Variants in FRAS1 observed in about 807,000 individuals in gnomAD.
The protein encoded by FRAS1 is extracellular matrix organizing protein FRAS1.
FRAS1 carries 290 observed loss-of-function variants against 435.2 expected under a neutral mutation model. That is an observed-to-expected ratio of 0.67 (90% CI 0.61 to 0.73). FRAS1 has a LOEUF of 0.73. Ranked by LOEUF, FRAS1 falls within the 30% of genes least tolerant of loss-of-function variation. FRAS1 has a pLI of 0.00. For missense variants in FRAS1, 4,860 were observed against 5,001.5 expected (o/e 0.97, Z 0.85); for synonymous variants, 1,800 against 1,851.0 (o/e 0.97, Z 0.71).
At chr4:78,163,966 T>C (rs1287716247) in intron 2 of FRAS1, among the ~76,000 whole-genome samples, 1 of 152,168 alleles carries the variant, frequency 6.6e-6, no homozygotes, top group Non-Finnish European at 1.5e-5. Context: ...CAACCTCCCA[T>C]GCCCACTGCC....
chr4:78,265,674 A>C (rs902889150), intron 7 of FRAS1, among the ~76,000 whole-genome samples: 3 of 152,210 alleles, frequency 2.0e-5, no homozygotes, highest in Non-Finnish European at 4.4e-5. Flanking sequence ...GAATGAATGG[A>C]TGAATGAATG....
At chr4:78,211,871 C>T (rs958239044) in intron 2 of FRAS1, among the ~76,000 whole-genome samples, 3 of 152,140 alleles carry the variant, frequency 2.0e-5, no homozygotes, top group Non-Finnish European at 2.9e-5. Context: ...CCTCCCTCTG[C>T]CTCTGGTAAC....
intron 6 of FRAS1, among the ~76,000 whole-genome samples, chr4:78,260,336 C>T (rs1219753548): frequency 1.3e-5 from 2 of 152,040 alleles, no homozygotes; most frequent in East Asian, 1.9e-4. Context: ...TACCCATGAG[C>T]ATGGAATGTT....
At chr4:78,535,597 T>C (rs958823498) in intron 71 of FRAS1, among the ~76,000 whole-genome samples, 19 of 152,292 alleles carry the variant, frequency 1.2e-4, no homozygotes, top group African/African-American at 4.6e-4. Context: ...CTACGTCCCA[T>C]CTATCATTAA....
intron 34 of FRAS1, among the ~76,000 whole-genome samples, chr4:78,423,400 C>T (rs186222325): frequency 0.024 from 3,718 of 151,994 alleles, 70 homozygotes; most frequent in South Asian, 0.035. Flanking sequence ...CTCCTGACCT[C>T]GTGATCCACC....
intron 15 of FRAS1, 29 bp from the exon 16 acceptor site, chr4:78,315,565 T>A (rs1205779443): frequency 6.3e-7 from 1 of 1,593,684 alleles, no homozygotes; most frequent in Non-Finnish European, 8.6e-7. Context: ...CTATTGCCTT[T>A]CTCTGATGGG....
intron 2 of FRAS1, among the ~76,000 whole-genome samples, chr4:78,089,944 T>C (rs976507860): frequency 2.0e-5 from 3 of 152,170 alleles, no homozygotes; most frequent in African/African-American, 4.8e-5. Flanking sequence ...CAGTGTCTGT[T>C]GTTCCCTTCT....
Position 78,394,554 on chromosome 4 carries a change from C to T in FRAS1, c.3976-6180C>T, listed in dbSNP as rs566238746. On this transcript the variant is annotated intron_variant, in intron 29 of 73. Transcript: ENST00000512123. ...TTATTTCTGGGCTCCTTATTCTGTTCCACTGGTCTATGTATTTGTTCTTAT... is the reference window on the plus strand; with the variant it reads ...TTATTTCTGGGCTCCTTATTCTGTTTCACTGGTCTATGTATTTGTTCTTAT... Among the ~76,000 whole-genome samples the T allele has an allele frequency of 7.9e-5, 7 of 88,066 alleles. No individual in the cohort carries two copies. In the East Asian group the frequency reaches 2.1e-3, roughly 27 times the overall value. The allele number at this position is 88,066 out of a possible 152,430, so 57.8% of individuals were successfully genotyped here.
At chr4:78,454,418 T>C (rs1456685585) in intron 47 of FRAS1, among the ~76,000 whole-genome samples, 1 of 152,030 alleles carries the variant, frequency 6.6e-6, no homozygotes, top group Non-Finnish European at 1.5e-5. Flanking sequence ...ATGTAGTACG[T>C]GTATGGCAGG....
chr4:78,523,655 A>G (rs1721454526), intron 69 of FRAS1, among the ~76,000 whole-genome samples: 1 of 152,230 alleles, frequency 6.6e-6, no homozygotes, highest in African/African-American at 2.4e-5. Context: ...TTTTTTCTTA[A>G]CTTAAAATTT....
intron 2 of FRAS1, among the ~76,000 whole-genome samples, chr4:78,126,799 A>G (rs1284063092): frequency 6.6e-6 from 1 of 152,232 alleles, no homozygotes; most frequent in Non-Finnish European, 1.5e-5. Flanking sequence ...TGTTATTGAT[A>G]TAGAGTACCA....
chr4:78,220,061 A>G (rs1723986132), intron 2 of FRAS1, among the ~76,000 whole-genome samples: 3 of 152,196 alleles, frequency 2.0e-5, no homozygotes, highest in Admixed American at 2.0e-4. Flanking sequence ...TGTGGATTGG[A>G]GTAGATGATT....
rs13151349 is a variant in FRAS1 at position 78,371,095 on chromosome 4, T to G, written c.2869+1111T>G. ...GAATTTTTTTTCTGTTTTTTTGTTT[T>G]TTTTTTTTTTTGCCTTCTAACCAGT... On this transcript the variant is annotated intron_variant, in intron 23 of 73. Coordinates refer to ENST00000512123, the MANE Select transcript of FRAS1 (RefSeq NM_025074.7). 4.6e-3 allele frequency among the ~76,000 whole-genome samples: 699 copies of G among 150,764 alleles called. 28 individuals are homozygous for G. The highest frequency in any genetic ancestry group is 0.04 in the Admixed American group (608 of 15,124).
intron 59 of FRAS1, among the ~76,000 whole-genome samples, chr4:78,495,010 CT>C (rs1331328172): frequency 1.3e-5 from 2 of 152,100 alleles, no homozygotes; most frequent in African/African-American, 4.8e-5. Flanking sequence ...CATTATTCAT[CT>C]TTTGAATTTT....
In FRAS1 at chr4:78,482,525, A is replaced by G. The variant is rs1720044572; in HGVS notation, c.8742A>G (p.Thr2914=). ...PFQAVIAIND[T]FQDVPSMQFA... ...AGGCAGTCATTGCAATTAATGACACATTCCAAGATGGTAAGAGATTGGGGA... is the reference window on the plus strand; with the variant it reads ...AGGCAGTCATTGCAATTAATGACACGTTCCAAGATGGTAAGAGATTGGGGA... Residue 2914 remains threonine (T), a synonymous_variant, in exon 58 of 74, where the codon ACA becomes ACG. Coordinates refer to ENST00000512123, the MANE Select transcript of FRAS1 (RefSeq NM_025074.7). The G allele has an allele frequency of 6.2e-7, 1 of 1,613,530 alleles. No homozygotes were observed. The highest frequency in any genetic ancestry group is 1.7e-5 in the Admixed American group (1 of 59,920).
At chr4:78,435,373 A>T (rs564392021) in intron 38 of FRAS1, among the ~76,000 whole-genome samples, 1 of 152,332 alleles carries the variant, frequency 6.6e-6, no homozygotes, top group East Asian at 1.9e-4. Context: ...AATATACAGC[A>T]TTTAAAATAG....
intron 40 of FRAS1, 60 bp from the exon 41 acceptor site, chr4:78,441,102 C>G: frequency 6.3e-7 from 1 of 1,584,284 alleles, no homozygotes; most frequent in Non-Finnish European, 8.6e-7. Flanking sequence ...CAATCCAGCT[C>G]TTTTTTTACT....
intron 70 of FRAS1, among the ~76,000 whole-genome samples, chr4:78,534,132 C>G (rs1219614632): frequency 3.3e-5 from 5 of 152,094 alleles, no homozygotes; most frequent in Non-Finnish European, 7.4e-5. Context: ...TAGCTGGACT[C>G]CAAAGCGGGG....
At chr4:78,298,918 G>A (rs1241492883) in intron 14 of FRAS1, among the ~76,000 whole-genome samples, 1 of 152,192 alleles carries the variant, frequency 6.6e-6, no homozygotes, top group Non-Finnish European at 1.5e-5. Context: ...GAGTAAGTTA[G>A]TACAGTAGGA....
Sources: allele counts gnomAD v4.1 joint callset (sites outside exome capture counted in the v4.1 genomes callset), GRCh38; gene constraint gnomAD v4.1.1; transcripts MANE v1.5; gene names NCBI Gene and HGNC (gene_info 2026-07-23, HGNC 2026-07-21).